RALGPS1: variants seen among roughly 807,000 people sequenced by gnomAD.
RALGPS1 encodes the protein ras-specific guanine nucleotide-releasing factor RalGPS1.
A neutral mutation model predicts 78.8 loss-of-function variants in RALGPS1; 19 were observed. The observed-to-expected ratio is 0.24, with a 90% CI of 0.17 to 0.35. The LOEUF is 0.35. Ranked by LOEUF, RALGPS1 falls within the 10% of genes least tolerant of loss-of-function variation. RALGPS1 has a pLI of 1.00. For missense variants in RALGPS1, 454 were observed against 688.3 expected, an observed-to-expected ratio of 0.66 and a Z score of 3.81; for synonymous variants, 228 against 256.3, an observed-to-expected ratio of 0.89 and a Z score of 1.06.
chr9:127,009,396 T>C (rs2044149494), intron 4 of RALGPS1, among the ~76,000 whole-genome samples: 1 of 152,152 alleles, frequency 6.6e-6, no homozygotes, highest in African/African-American at 2.4e-5. Flanking sequence ...CCAACACACA[T>C]CCTCCAATCC....
chr9:127,206,781 A>T (rs2061956782), intron 14 of RALGPS1, among the ~76,000 whole-genome samples: 1 of 152,146 alleles, frequency 6.6e-6, no homozygotes, highest in Non-Finnish European at 1.5e-5. Context: ...AAGCCCCAGG[A>T]TACCTACAAC....
intron 1 of RALGPS1, among the ~76,000 whole-genome samples, chr9:126,952,281 A>G (rs10987527): frequency 0.17 from 26,469 of 152,052 alleles, 3,045 homozygotes; most frequent in East Asian, 0.44. Context: ...TCAGCTCACT[A>G]TCTCTCCTTT....
At chr9:126,934,493 T>C (rs1473492785) in intron 1 of RALGPS1, among the ~76,000 whole-genome samples, 2 of 152,168 alleles carry the variant, frequency 1.3e-5, no homozygotes, top group African/African-American at 4.8e-5. Flanking sequence ...CGGGTGGTGC[T>C]GTAGTCAGAG....
chr9:126,941,175 G>T (rs1016352809), intron 1 of RALGPS1, among the ~76,000 whole-genome samples: 24 of 151,950 alleles, frequency 1.6e-4, no homozygotes, highest in Middle Eastern at 3.2e-3. Context: ...GTGGGGGGGG[G>T]TTGTTGGGGA....
chr9:126,949,452 C>A (rs1160343011), intron 1 of RALGPS1, among the ~76,000 whole-genome samples: 1 of 152,164 alleles, frequency 6.6e-6, no homozygotes. Flanking sequence ...GTTCCTGTTT[C>A]TCCACATCCT....
intron 11 of RALGPS1, among the ~76,000 whole-genome samples, chr9:127,191,088 C>T (rs2061002523): frequency 6.6e-6 from 1 of 152,092 alleles, no homozygotes; most frequent in Non-Finnish European, 1.5e-5. Context: ...GTGGTTTGTC[C>T]TTTCTTACAG....
At chr9:127,078,981 C>T (rs561964497) in intron 8 of RALGPS1, among the ~76,000 whole-genome samples, 1 of 152,330 alleles carries the variant, frequency 6.6e-6, no homozygotes, top group South Asian at 2.1e-4. Flanking sequence ...AAAATATGAA[C>T]AAGATTCACA....
chr9:126,915,250 G>A (rs1030948703), intron 1 of RALGPS1, among the ~76,000 whole-genome samples: 3 of 142,248 alleles, frequency 2.1e-5, no homozygotes, highest in Non-Finnish European at 4.7e-5. Context: ...CGTGAAGGAC[G>A]GCGGGGAAGA....
Position 127,212,273 on chromosome 9 carries a change from C to T in RALGPS1, c.1353+37C>T. On this transcript the variant is annotated intron_variant, in intron 15 of 18. Coordinates refer to ENST00000259351, the MANE Select transcript of RALGPS1 (RefSeq NM_014636.3). This position sits in a 1 kb window ranked among gnomAD's most constrained non-coding sequence, Gnocchi z 6.0. ...CCCACATCCACCGGGGCAGCAGGGG[C>T]TTCCACATCTGTAAATAGTGCCCAC... 6.7e-7 allele frequency: 1 copy of T among 1,492,978 alleles called. No homozygotes were observed. The highest frequency in any genetic ancestry group is 1.4e-5 in the African/African-American group (1 of 71,736). The allele number at this position is 1,492,978 out of a possible 1,614,324, so 92.5% of individuals were successfully genotyped here.
intron 14 of RALGPS1, among the ~76,000 whole-genome samples, chr9:127,206,977 G>T (rs2061967904): frequency 6.6e-6 from 1 of 151,974 alleles, no homozygotes; most frequent in Non-Finnish European, 1.5e-5. Context: ...CAAGCATCAG[G>T]TTCTTTATCT....
chr9:127,203,659 G>T (rs1186645029), intron 14 of RALGPS1, among the ~76,000 whole-genome samples: 1 of 152,164 alleles, frequency 6.6e-6, no homozygotes, highest in Non-Finnish European at 1.5e-5. Context: ...GGGAGGTGAG[G>T]GAATGGGTCA....
At chr9:126,950,451 GA>G (rs2037705800) in intron 1 of RALGPS1, among the ~76,000 whole-genome samples, 1 of 152,152 alleles carries the variant, frequency 6.6e-6, no homozygotes, top group Non-Finnish European at 1.5e-5. Flanking sequence ...CATGAGCATG[GA>G]ATGTTCTTCC....
intron 4 of RALGPS1, among the ~76,000 whole-genome samples, chr9:126,983,682 GTA>G (rs1178889423): frequency 1.3e-5 from 2 of 152,086 alleles, no homozygotes; most frequent in African/African-American, 4.8e-5. Flanking sequence ...TTATTCTAGT[GTA>G]GTCCATCCTC....
chr9:127,033,652 A>G lies in RALGPS1; in HGVS notation c.217-779A>G, dbSNP rs887903891. On this transcript the variant is annotated intron_variant, in intron 4 of 18. Coordinates refer to ENST00000259351, the MANE Select transcript of RALGPS1 (RefSeq NM_014636.3). ...AGTCTGTTTCAGGGCTCCACAAGGC[A>G]CACACTGAGAATGCTGGGCATTTGG... Among the ~76,000 whole-genome samples the G allele has an allele frequency of 5.3e-5, 8 of 152,204 alleles. No individual in the cohort carries two copies. The South Asian group carries it at 8.3e-4, about 16-fold the overall frequency.
chr9:127,088,584 G>A (rs2052051975), intron 8 of RALGPS1: 1 of 297,636 alleles, frequency 3.4e-6, no homozygotes, highest in Admixed American at 4.7e-5. Context: ...GCATATATAT[G>A]TGGTATACAC....
At chr9:127,154,391 TCA>T (rs1366855361) in intron 8 of RALGPS1, among the ~76,000 whole-genome samples, 3 of 152,210 alleles carry the variant, frequency 2.0e-5, no homozygotes, top group Non-Finnish European at 4.4e-5. Flanking sequence ...CCATGAGGAC[TCA>T]CATCCTCTCA....
At chr9:127,002,228 A>AT (rs1405571896) in intron 4 of RALGPS1, among the ~76,000 whole-genome samples, 1 of 152,086 alleles carries the variant, frequency 6.6e-6, no homozygotes, top group African/African-American at 2.4e-5. Flanking sequence ...AAATACGTAC[A>AT]TTTTGTCTGG....
At chr9:126,922,466 A>G (rs1184364414) in intron 1 of RALGPS1, among the ~76,000 whole-genome samples, 1 of 152,222 alleles carries the variant, frequency 6.6e-6, no homozygotes, top group Non-Finnish European at 1.5e-5. Context: ...CTTTTGGCAT[A>G]TTTCTGAATA....
At chr9:127,042,920 A>G (rs182661400) in intron 5 of RALGPS1, among the ~76,000 whole-genome samples, 23 of 152,208 alleles carry the variant, frequency 1.5e-4, no homozygotes, top group Admixed American at 5.2e-4. Flanking sequence ...ACCATTTACA[A>G]TATCACCAAG....
Sources: allele counts gnomAD v4.1 joint callset (sites outside exome capture counted in the v4.1 genomes callset), GRCh38; gene constraint gnomAD v4.1.1; non-coding constraint Gnocchi (gnomAD v3.1); transcripts MANE v1.5; gene names NCBI Gene and HGNC (gene_info 2026-07-23, HGNC 2026-07-21).